The following CTDNEP1 variants were observed in gnomAD, a reference collection of about 807,000 sequenced individuals.
The protein encoded by CTDNEP1 is C-terminal domain nuclear envelope phosphatase 1.
CTDNEP1 carries 3 observed loss-of-function variants against 30.1 expected under a neutral mutation model. The ratio of observed to expected loss-of-function variants is 0.10; its 90% confidence interval spans 0.05 to 0.26. The LOEUF (loss-of-function observed/expected upper bound fraction) is 0.26, where lower values mean the gene tolerates loss of function less well. Among genes scored for constraint, CTDNEP1 ranks in the 10% least tolerant of loss-of-function variants. The pLI, the probability that CTDNEP1 is intolerant of heterozygous loss-of-function variation, is 1.00. For missense variants in CTDNEP1, 158 were observed against 310.4 expected (o/e 0.51, Z 3.69); for synonymous variants, 123 against 118.8 (o/e 1.04, Z -0.23).
At chr17:7,244,756 A>G (rs949947857) in intron 6 of CTDNEP1, 121 bp from the exon 7 acceptor site, 1 of 747,624 alleles carries the variant, frequency 1.3e-6, no homozygotes, top group Non-Finnish European at 2.1e-6. Context: ...CCGGAAGTCA[A>G]CAACCTAAGT....
intron 1 of CTDNEP1, among the ~76,000 whole-genome samples, chr17:7,250,169 G>C (rs1433512336): frequency 6.6e-6 from 1 of 151,990 alleles, no homozygotes; most frequent in Admixed American, 6.5e-5. Context: ...AAATTCTCTG[G>C]ACCCCAGGTC....
At chr17:7,245,501 ATTAT>A (rs1012639376) in intron 6 of CTDNEP1, among the ~76,000 whole-genome samples, 6 of 151,318 alleles carry the variant, frequency 4.0e-5, no homozygotes, top group South Asian at 2.1e-4. Flanking sequence ...TTATTTATTT[ATTAT>A]TTATTTTTTT....
In CTDNEP1 at chr17:7,246,264, T is replaced by C. The variant is rs1259311914; in HGVS notation, c.467A>G (p.Tyr156Cys). 1.9e-6 allele frequency: 3 copies of C among 1,611,446 alleles called. No homozygotes were observed. Among genetic ancestry groups the C allele is most frequent in the East Asian group, 2.2e-5 (1 of 44,864 alleles). The change falls in exon 5 of 8, where the codon TAT becomes TGT. Residue 156 changes from tyrosine to cysteine, a missense_variant. This residue lies in a region of CTDNEP1 where 96 missense variants were observed against 229.1 expected (regional missense o/e 0.42). Transcript: ENST00000574322. This position sits in a 1 kb window ranked among gnomAD's most constrained non-coding sequence, Gnocchi z 4.9. ...GGGATTCTAGCTTACCTGTCTGTAA[T>C]ATCTCCTCTTAAGAATGCTTCTGCT... ...DNSRSILKRR[Y>C]YRQHCTLELG...
At position 7,247,203 on chromosome 17, in the gene CTDNEP1, A is replaced by G. The variant is rs771943106; in HGVS notation, c.170-21T>C. 2.5e-5 allele frequency: 40 copies of G among 1,610,926 alleles called. No homozygotes were observed. The African/African-American group carries it at 4.5e-4, about 18-fold the overall frequency. Reference sequence around the variant, plus strand: ...CTGGGCTGAACCAGAGTGGGGAGGAATAATATTGACCGACCTCTGACCCAG... The same window carrying G: ...CTGGGCTGAACCAGAGTGGGGAGGAGTAATATTGACCGACCTCTGACCCAG... On this transcript the variant is annotated intron_variant, in intron 2 of 7. Transcript: ENST00000574322.
In CTDNEP1 at chr17:7,246,228, ACT is replaced by A. The variant is rs1386987103; in HGVS notation, c.477+24_477+25del. The A allele has an allele frequency of 2.5e-6, 4 of 1,593,164 alleles. No homozygotes were observed. The highest frequency in any genetic ancestry group is 3.4e-6 in the Non-Finnish European group (4 of 1,161,062). ...CCTGGTGGCCTCCCTCCCAAGCCAC[ACT>A]CTTAGACTGGGATTCTAGCTTACCT... On this transcript the variant is annotated intron_variant, in intron 5 of 7. Transcript: ENST00000574322. This position sits in a 1 kb window ranked among gnomAD's most constrained non-coding sequence, Gnocchi z 4.9.
At chr17:7,244,416 A>G (rs2071812314) in intron 7 of CTDNEP1, 135 bp downstream of exon 7, 3 of 1,191,412 alleles carry the variant, frequency 2.5e-6, no homozygotes. Flanking sequence ...CTTTGAAGTA[A>G]GACGACCTGG....
rs2071914680 is a variant in CTDNEP1 at position 7,251,135 on chromosome 17, G to A, written c.102+60C>T. 5 of 1,264,436 alleles carry A rather than the reference G, an allele frequency of 4.0e-6. No individual in the cohort carries two copies. The East Asian group carries it at 1.4e-4, about 35-fold the overall frequency. 78.3% of individuals were successfully genotyped at this position (1,264,436 alleles called of 1,614,324 possible). A position where few individuals can be genotyped will look rare whatever the true frequency, so the allele number is the denominator to read the frequency against. On this transcript the variant is annotated intron_variant, in intron 1 of 7. Transcript: ENST00000574322. ...ACTCCGAAAACCCCTGAGCACCACG[G>A]ACAGATGTCCCCAACACCGCCAGAC...
chr17:7,249,409 A>G (rs2071884294), intron 1 of CTDNEP1, among the ~76,000 whole-genome samples: 1 of 152,174 alleles, frequency 6.6e-6, no homozygotes, highest in Non-Finnish European at 1.5e-5. Context: ...TATGCTGGGC[A>G]TGTAGGGAAT....
In CTDNEP1 at chr17:7,247,045, AC is replaced by A; in HGVS notation, c.288+18del. ...GAGGAACAGATGGAACCATTTCATCACTCCCCACCACCACACACCTTGAGGA... is the reference window on the plus strand; with the variant it reads ...GAGGAACAGATGGAACCATTTCATCATCCCCACCACCACACACCTTGAGGA... On this transcript the variant is annotated intron_variant, in intron 3 of 7. Transcript: ENST00000574322. 1 of 1,569,792 alleles carries A rather than the reference AC, an allele frequency of 6.4e-7. No individual in the cohort carries two copies. Among genetic ancestry groups the A allele is most frequent in the Non-Finnish European group, 8.8e-7 (1 of 1,141,816 alleles).
At position 7,244,208 on chromosome 17, in the gene CTDNEP1, G is replaced by C. The variant is rs1445051395; in HGVS notation, c.712C>G (p.Leu238Val). 1.2e-6 allele frequency: 2 copies of C among 1,614,106 alleles called. No individual in the cohort carries two copies. The highest frequency in any genetic ancestry group is 1.7e-6 in the Non-Finnish European group (2 of 1,180,024). Residue 238 changes from leucine (L) to valine (V), a missense_variant, in exon 8 of 8, where the codon CTT (leucine) becomes GTT (valine). By Grantham distance (32) the Leu-to-Val change is conservative (BLOSUM62 1). This residue lies in a region of CTDNEP1 where 96 missense variants were observed against 229.1 expected (regional missense o/e 0.42). Transcript: ENST00000574322. ...ADVRSVLSRN[L>V]HQHRLW Reference sequence around the variant, plus strand: ...TGTCACCAGAGCCGATGTTGGTGAAGGTTTCGGCTCAGCACGGAACGAACA... The same window carrying C: ...TGTCACCAGAGCCGATGTTGGTGAACGTTTCGGCTCAGCACGGAACGAACA...
Position 7,244,576 on chromosome 17 carries a change from G to A in CTDNEP1, c.649C>T (p.Leu217=), listed in dbSNP as rs1194693190. 3 of 1,614,082 alleles carry A rather than the reference G, an allele frequency of 1.9e-6. No individual in the cohort carries two copies. The highest frequency in any genetic ancestry group is 2.2e-5 in the South Asian group (2 of 91,078). The change falls in exon 7 of 8, where the codon CTG becomes TTG. Residue 217 remains leucine (L), a synonymous_variant. Coordinates refer to ENST00000574322, the MANE Select transcript of CTDNEP1 (RefSeq NM_001143775.2). ...SDPSDTALLN[L]LPMLDALRFT... is the part of the protein sequence containing the mutation. The stretch of plus-strand genomic sequence containing the variant: ...CTGAGGGCATCCAGCATTGGGAGCA[G>A]GTTGAGAAGGGCTGTGTCGCTGGGG...
chr17:7,248,298 T>C (rs2071871131), intron 1 of CTDNEP1, among the ~76,000 whole-genome samples: 1 of 123,004 alleles, frequency 8.1e-6, no homozygotes, highest in Admixed American at 9.1e-5. Flanking sequence ...GTAGAATCAA[T>C]GAAGTGATAG....
chr17:7,247,258 C>A lies in CTDNEP1; in HGVS notation c.169+19G>T, dbSNP rs756804158. ...AGCCCCTACTTCACCCTAAAGGAGGCTTCCCACCACATACTTACCTAGCCG... is the reference window on the plus strand; with the variant it reads ...AGCCCCTACTTCACCCTAAAGGAGGATTCCCACCACATACTTACCTAGCCG... On this transcript the variant is annotated intron_variant, in intron 2 of 7. Coordinates refer to ENST00000574322, the MANE Select transcript of CTDNEP1 (RefSeq NM_001143775.2). 6 of 1,613,410 alleles carry A rather than the reference C, an allele frequency of 3.7e-6. No homozygotes were observed. Among genetic ancestry groups the A allele is most frequent in the East Asian group, 4.5e-5 (2 of 44,890 alleles).
chr17:7,249,619 TAAAG>T (rs1393427041), intron 1 of CTDNEP1, among the ~76,000 whole-genome samples: 2 of 152,188 alleles, frequency 1.3e-5, no homozygotes, highest in East Asian at 3.9e-4. Flanking sequence ...AGTCAACCCA[TAAAG>T]AAAACCGCTG....
intron 1 of CTDNEP1, among the ~76,000 whole-genome samples, chr17:7,248,184 C>A (rs1344456862): frequency 7.0e-6 from 1 of 143,448 alleles, no homozygotes; most frequent in African/African-American, 2.7e-5. Flanking sequence ...TGGCTTGAAC[C>A]CAGGAGGCAG....
rs762788220 is a variant in CTDNEP1 at position 7,246,973 on chromosome 17, T to G, written c.288+91A>C. 78 of 1,393,126 alleles carry G rather than the reference T, an allele frequency of 5.6e-5. No individual in the cohort carries two copies. The highest frequency in any genetic ancestry group is 2.0e-4 in the Middle Eastern group (1 of 4,892). The allele number at this position is 1,393,126 out of a possible 1,614,324, so 86.3% of individuals were successfully genotyped here. On this transcript the variant is annotated intron_variant, in intron 3 of 7. Coordinates refer to ENST00000574322, the MANE Select transcript of CTDNEP1 (RefSeq NM_001143775.2). This position sits in a 1 kb window ranked among gnomAD's most constrained non-coding sequence, Gnocchi z 4.9. The stretch of plus-strand genomic sequence containing the variant: ...CCAGGCTGACACTGGTGCCAGCGGA[T>G]GGAGACAGATGCTCTGGGACTGGGA...
At chr17:7,244,472 A>G in intron 7 of CTDNEP1, 79 bp downstream of exon 7, 1 of 1,394,320 alleles carries the variant, frequency 7.2e-7, no homozygotes, top group Non-Finnish European at 1.0e-6. Context: ...AACAGGACAA[A>G]CCTTTTTTAT....
In CTDNEP1 at chr17:7,244,779, G is replaced by A. The variant is rs563513536; in HGVS notation, c.590-144C>T. On this transcript the variant is annotated intron_variant, in intron 6 of 7. Transcript: ENST00000574322. ...CAACAACCTAAGTAAAACTTTCCTGGTTTATGCTCCGAAACTAAGTTTTAA... is the reference window on the plus strand; with the variant it reads ...CAACAACCTAAGTAAAACTTTCCTGATTTATGCTCCGAAACTAAGTTTTAA... 3.2e-4 allele frequency: 204 copies of A among 631,154 alleles called. 2 individuals are homozygous for A. The highest frequency in any genetic ancestry group is 2.4e-3 in the South Asian group (118 of 49,088). 39.1% of individuals were successfully genotyped at this position (631,154 alleles called of 1,614,324 possible). A position where few individuals can be genotyped will look rare whatever the true frequency, so the allele number is the denominator to read the frequency against.
Position 7,247,115 on chromosome 17 carries a change from C to T in CTDNEP1, c.237G>A (p.Gly79=), listed in dbSNP as rs750471450. The change falls in exon 3 of 8, where the codon GGG becomes GGA. Residue 79 remains glycine, a synonymous_variant. Transcript: ENST00000574322. ...DETLIHSHHD[G]VLRPTVRPGT... Reference sequence around the variant, plus strand: ...CAGGCCGGACTGTGGGCCTCAGGACCCCATCATGGTGGGAGTGAATAAGTG... The same window carrying T: ...CAGGCCGGACTGTGGGCCTCAGGACTCCATCATGGTGGGAGTGAATAAGTG... 5 of 1,613,482 alleles carry T rather than the reference C, an allele frequency of 3.1e-6. No homozygotes were observed. The Admixed American group carries it at 8.3e-5, about 27-fold the overall frequency.
Sources: allele counts gnomAD v4.1 joint callset (sites outside exome capture counted in the v4.1 genomes callset), GRCh38; gene constraint gnomAD v4.1.1; regional missense constraint gnomAD v4.1.1; non-coding constraint Gnocchi (gnomAD v3.1); transcripts MANE v1.5; gene names NCBI Gene and HGNC (gene_info 2026-07-23, HGNC 2026-07-21).